Variants in ZNF385D observed in about 807,000 individuals in gnomAD.
The protein encoded by ZNF385D is zinc finger protein 659.
A neutral mutation model predicts 35.8 loss-of-function variants in ZNF385D; 15 were observed. The ratio of observed to expected loss-of-function variants is 0.42; its 90% CI spans 0.28 to 0.64. The LOEUF (loss-of-function observed/expected upper bound fraction) is 0.64. Ranked by LOEUF, ZNF385D falls within the 30% of genes least tolerant of loss-of-function variation. ZNF385D has a pLI of 0.23. For synonymous variants in ZNF385D, 212 were observed against 186.8 expected, an observed-to-expected ratio of 1.13 and a Z score of -1.10; for missense variants, 474 against 494.6, an observed-to-expected ratio of 0.96 and a Z score of 0.39.
chr3:22,299,483 T>G (rs1327685701), intron 2 of ZNF385D, among the ~76,000 whole-genome samples: 3 of 151,428 alleles, frequency 2.0e-5, no homozygotes, highest in Non-Finnish European at 3.0e-5. Flanking sequence ...AAAACAAAAG[T>G]AAAACATTCT....
At chr3:21,979,047 T>A (rs1694239882) in intron 3 of ZNF385D, among the ~76,000 whole-genome samples, 1 of 152,116 alleles carries the variant, frequency 6.6e-6, no homozygotes, top group African/African-American at 2.4e-5. Context: ...AATGGACAGG[T>A]GACACTTAGC....
intron 3 of ZNF385D, among the ~76,000 whole-genome samples, chr3:21,931,532 G>T (rs1701006935): frequency 6.6e-6 from 1 of 152,140 alleles, no homozygotes; most frequent in South Asian, 2.1e-4. Context: ...TCCATCAACT[G>T]GTGAATGGGT....
At chr3:22,124,809 G>A (rs1395233730) in intron 3 of ZNF385D, among the ~76,000 whole-genome samples, 1 of 151,986 alleles carries the variant, frequency 6.6e-6, no homozygotes. Context: ...TATATATCTG[G>A]TTATTAGTTT....
intron 4 of ZNF385D, among the ~76,000 whole-genome samples, chr3:21,484,039 G>C (rs1030801134): frequency 3.3e-5 from 5 of 152,052 alleles, no homozygotes; most frequent in Non-Finnish European, 5.9e-5. Flanking sequence ...CTGTAACAAG[G>C]GATTGCTTAA....
At chr3:21,887,271 G>T (rs191260383) in intron 3 of ZNF385D, among the ~76,000 whole-genome samples, 1 of 152,228 alleles carries the variant, frequency 6.6e-6, no homozygotes, top group East Asian at 1.9e-4. Context: ...TTCTAAGTAT[G>T]CCCCTTAATT....
intron 3 of ZNF385D, among the ~76,000 whole-genome samples, chr3:22,167,066 G>A (rs1706382508): frequency 1.3e-5 from 2 of 152,202 alleles, no homozygotes; most frequent in African/African-American, 4.8e-5. Context: ...AAATGCCTAG[G>A]CAGATAGGGG....
chr3:21,744,087 T>C (rs2069646939), intron 1 of ZNF385D, among the ~76,000 whole-genome samples: 1 of 152,128 alleles, frequency 6.6e-6, no homozygotes, highest in South Asian at 2.1e-4. Context: ...TCAGAAGTAT[T>C]GACATAGAGT....
intron 2 of ZNF385D, among the ~76,000 whole-genome samples, chr3:22,217,912 T>A (rs1697992311): frequency 6.6e-6 from 1 of 152,144 alleles, no homozygotes; most frequent in Non-Finnish European, 1.5e-5. Context: ...TTGGAGAATA[T>A]TAGAACAGCA....
At chr3:22,326,843 T>C (rs1251541521) in intron 2 of ZNF385D, among the ~76,000 whole-genome samples, 2 of 152,172 alleles carry the variant, frequency 1.3e-5, no homozygotes, top group Non-Finnish European at 2.9e-5. Flanking sequence ...CCCAAAGTAT[T>C]TTCTATTACT....
chr3:21,716,708 T>G (rs192638807), intron 1 of ZNF385D, among the ~76,000 whole-genome samples: 2 of 152,196 alleles, frequency 1.3e-5, no homozygotes, highest in Non-Finnish European at 2.9e-5. Context: ...TCATACAGCA[T>G]AGAGAACACT....
At chr3:21,695,566 G>T (rs2125361472) in intron 1 of ZNF385D, among the ~76,000 whole-genome samples, 1 of 152,242 alleles carries the variant, frequency 6.6e-6, no homozygotes, top group Middle Eastern at 3.4e-3. Flanking sequence ...CTCTTTCTCA[G>T]ATAATGCCAG....
intron 3 of ZNF385D, among the ~76,000 whole-genome samples, chr3:21,813,969 A>T (rs1489059865): frequency 1.3e-5 from 2 of 152,242 alleles, no homozygotes; most frequent in African/African-American, 2.4e-5. Flanking sequence ...CGGGTTACCC[A>T]CAAAGGGAAG....
chr3:22,231,994 T>C (rs1698921104), intron 2 of ZNF385D, among the ~76,000 whole-genome samples: 1 of 152,116 alleles, frequency 6.6e-6, no homozygotes, highest in Admixed American at 6.6e-5. Context: ...TGATTGTAAG[T>C]TTCCTGAGGC....
chr3:22,165,343 G>C (rs915496787), intron 3 of ZNF385D, among the ~76,000 whole-genome samples: 4 of 152,270 alleles, frequency 2.6e-5, no homozygotes, highest in Admixed American at 6.5e-5. Flanking sequence ...AAAAAGCTGA[G>C]TAGTTTGGTC....
chr3:21,739,899 TACAA>T (rs957350097), intron 1 of ZNF385D, among the ~76,000 whole-genome samples: 9 of 152,180 alleles, frequency 5.9e-5, no homozygotes, highest in Admixed American at 2.0e-4. Flanking sequence ...AGTTAATCCT[TACAA>T]ACACTCTATA....
In ZNF385D at chr3:22,279,304, T is replaced by C. The variant is rs550724110; in HGVS notation, c.106+93146A>G. ...TCCTCAAAGTGAATTGCATCATTCT[T>C]ATGCCTTTCCGTCTTCATAGCTTAG... On this transcript the variant is annotated intron_variant, in intron 2 of 5. Coordinates refer to the ZNF385D transcript ENST00000494108. Among the ~76,000 whole-genome samples the C allele has an allele frequency of 2.6e-5, 4 of 152,052 alleles. No homozygotes were observed. In the Middle Eastern group the frequency reaches 0.01, roughly 388 times the overall value.
At chr3:22,091,711 A>C (rs934591479) in intron 3 of ZNF385D, among the ~76,000 whole-genome samples, 14 of 152,176 alleles carry the variant, frequency 9.2e-5, no homozygotes, top group African/African-American at 3.4e-4. Context: ...AACTGGGTCC[A>C]TTTGTGGAAG....
intron 3 of ZNF385D, among the ~76,000 whole-genome samples, chr3:22,058,330 G>A (rs1183833891): frequency 1.3e-5 from 2 of 152,142 alleles, no homozygotes; most frequent in South Asian, 2.1e-4. Flanking sequence ...TCAACAAGCC[G>A]CCCCTATTGT....
intron 3 of ZNF385D, among the ~76,000 whole-genome samples, chr3:22,066,141 T>A (rs1473649661): frequency 6.6e-6 from 1 of 151,482 alleles, no homozygotes; most frequent in Non-Finnish European, 1.5e-5. Context: ...AGGAAAAAAA[T>A]ACCATTTTTT....
Sources: allele counts gnomAD v4.1 joint callset (sites outside exome capture counted in the v4.1 genomes callset), GRCh38; gene constraint gnomAD v4.1.1; transcripts MANE v1.5; gene names NCBI Gene and HGNC (gene_info 2026-07-23, HGNC 2026-07-21).